NEDD4L: variants seen among roughly 807,000 people sequenced by gnomAD.
NEDD4L encodes NEDD4 like E3 ubiquitin protein ligase, also known as E3 ubiquitin-protein ligase NEDD4-like.
In NEDD4L, 54 loss-of-function variants were observed where a neutral mutation model predicts 148.9. The ratio of observed to expected loss-of-function variants is 0.36; its 90% CI spans 0.29 to 0.45. The LOEUF (loss-of-function observed/expected upper bound fraction) is 0.45. Ranked by LOEUF, NEDD4L falls within the 20% of genes least tolerant of loss-of-function variation. The pLI, the probability that NEDD4L is intolerant of heterozygous loss-of-function variation, is 1.00. For synonymous variants in NEDD4L, 433 were observed against 440.7 expected (o/e 0.98, Z 0.22); for missense variants, 856 against 1,233.8 (o/e 0.69, Z 4.59).
At chr18:58,079,996 T>C (rs2083351016) in intron 1 of NEDD4L, among the ~76,000 whole-genome samples, 1 of 152,184 alleles carries the variant, frequency 6.6e-6, no homozygotes, top group African/African-American at 2.4e-5. Flanking sequence ...GGCACGATCA[T>C]GGCTCACTGT....
chr18:58,165,656 C>T, intron 1 of NEDD4L, 132 bp from the exon 2 acceptor site: 4 of 1,530,092 alleles, frequency 2.6e-6, no homozygotes, highest in Non-Finnish European at 2.6e-6. Context: ...GGAAGAATTG[C>T]TTATGCTCGA....
rs1376296192 is a variant in NEDD4L at position 58,389,323 on chromosome 18, G to A, written c.2655+131G>A. The A allele has an allele frequency of 7.8e-6, 5 of 643,474 alleles. 1 individual carries two copies. In the South Asian group the frequency reaches 9.1e-5, roughly 12 times the overall value. The allele number at this position is 643,474 out of a possible 1,614,324, so 39.9% of individuals were successfully genotyped here. On this transcript the variant is annotated intron_variant, in intron 28 of 30. Transcript: ENST00000400345. ...GGGGTCTGTTAGAGCTTGGACTGCT[G>A]GGGGAGGGAAGAGGCAAACTGAGCC...
chr18:58,227,755 G>A (rs1371485559), intron 2 of NEDD4L: 1 of 339,918 alleles, frequency 2.9e-6, no homozygotes, highest in African/African-American at 2.3e-5. Flanking sequence ...TTCTGCTGTG[G>A]TTTTACTTAG....
At chr18:58,096,218 T>C (rs759097743) in intron 1 of NEDD4L, among the ~76,000 whole-genome samples, 2 of 152,106 alleles carry the variant, frequency 1.3e-5, no homozygotes, top group Non-Finnish European at 2.9e-5. Context: ...TAGCTGTTTC[T>C]GAAAATATGG....
intron 1 of NEDD4L, among the ~76,000 whole-genome samples, chr18:58,118,292 C>T (rs1268064314): frequency 3.9e-5 from 6 of 152,238 alleles, no homozygotes. Flanking sequence ...AAGCACTTGT[C>T]AGGTGCTTAT....
chr18:58,341,594 GCGT>G (rs2145182272), intron 14 of NEDD4L, 81 bp from the exon 15 acceptor site: 3 of 1,201,802 alleles, frequency 2.5e-6, no homozygotes, highest in Middle Eastern at 2.0e-4. Flanking sequence ...ATTGCTGTTT[GCGT>G]TGTTGTTTGG....
chr18:58,048,426 A>T (rs1277997757), intron 1 of NEDD4L, among the ~76,000 whole-genome samples: 3 of 152,290 alleles, frequency 2.0e-5, no homozygotes, highest in East Asian at 3.9e-4. Context: ...TCTCATGAGA[A>T]CTGTGTGAGG....
At chr18:58,099,190 T>C (rs2084607105) in intron 1 of NEDD4L, among the ~76,000 whole-genome samples, 1 of 152,174 alleles carries the variant, frequency 6.6e-6, no homozygotes, top group African/African-American at 2.4e-5. Context: ...AGTGTCCTTT[T>C]TTTTTTGGAG....
chr18:58,204,615 T>C (rs948410952), intron 2 of NEDD4L, among the ~76,000 whole-genome samples: 1 of 152,164 alleles, frequency 6.6e-6, no homozygotes, highest in African/African-American at 2.4e-5. Context: ...TAAATGAAAA[T>C]CACTCTCATC....
intron 1 of NEDD4L, among the ~76,000 whole-genome samples, chr18:58,159,408 C>T (rs977020789): frequency 2.6e-5 from 4 of 151,956 alleles, no homozygotes; most frequent in South Asian, 2.1e-4. Flanking sequence ...CGGGTGATTT[C>T]GATGTGTGAA....
At chr18:58,308,725 C>T (rs1252927312) in intron 5 of NEDD4L, among the ~76,000 whole-genome samples, 6 of 152,206 alleles carry the variant, frequency 3.9e-5, no homozygotes, top group Non-Finnish European at 7.4e-5. Flanking sequence ...GTGGTCTGGC[C>T]GCGCCTCCCT....
At chr18:58,165,653 T>C (rs1599277992) in intron 1 of NEDD4L, 135 bp from the exon 2 acceptor site, 1 of 1,527,896 alleles carries the variant, frequency 6.5e-7, no homozygotes, top group Non-Finnish European at 8.8e-7. Context: ...TAAGGAAGAA[T>C]TGCTTATGCT....
intron 2 of NEDD4L, among the ~76,000 whole-genome samples, chr18:58,187,740 AAAG>A (rs1274520605): frequency 9.2e-5 from 14 of 152,354 alleles, no homozygotes; most frequent in Admixed American, 8.5e-4. Flanking sequence ...TCTCATAAAA[AAAG>A]AAGCAGACGG....
intron 1 of NEDD4L, among the ~76,000 whole-genome samples, chr18:58,095,565 C>T (rs113891848): frequency 0.096 from 14,546 of 152,144 alleles, 829 homozygotes; most frequent in Admixed American, 0.15. Flanking sequence ...AGGCAGGGCA[C>T]AGAGAGAAGC....
chr18:58,233,216 A>G (rs1051899030), intron 2 of NEDD4L, among the ~76,000 whole-genome samples: 6 of 152,196 alleles, frequency 3.9e-5, no homozygotes, highest in African/African-American at 1.4e-4. Flanking sequence ...GAATAATCAA[A>G]CTAATAATAA....
intron 24 of NEDD4L, among the ~76,000 whole-genome samples, chr18:58,381,194 A>G (rs535622785): frequency 3.3e-5 from 5 of 152,326 alleles, no homozygotes; most frequent in South Asian, 2.1e-4. Context: ...TGTGATGCCT[A>G]TTGCCAAATT....
intron 1 of NEDD4L, among the ~76,000 whole-genome samples, chr18:58,148,513 G>A (rs1484693367): frequency 6.6e-6 from 1 of 152,212 alleles, no homozygotes; most frequent in Admixed American, 6.5e-5. Flanking sequence ...CAGGAGACCA[G>A]TGGATTGTTT....
chr18:58,200,436 G>T (rs776763457), intron 2 of NEDD4L, among the ~76,000 whole-genome samples: 1 of 152,168 alleles, frequency 6.6e-6, no homozygotes, highest in Non-Finnish European at 1.5e-5. Context: ...AGGGAGGCTG[G>T]TGCCATTTAA....
At chr18:58,246,822 T>C (rs2047318145) in intron 3 of NEDD4L, among the ~76,000 whole-genome samples, 1 of 152,172 alleles carries the variant, frequency 6.6e-6, no homozygotes, top group Non-Finnish European at 1.5e-5. Flanking sequence ...GTAATATATA[T>C]ATATGTAAAT....
Sources: allele counts gnomAD v4.1 joint callset (sites outside exome capture counted in the v4.1 genomes callset), GRCh38; gene constraint gnomAD v4.1.1; transcripts MANE v1.5; gene names NCBI Gene and HGNC (gene_info 2026-07-23, HGNC 2026-07-21).